ABCA12: variants seen among roughly 807,000 people sequenced by gnomAD.
ABCA12 encodes the protein glucosylceramide transporter ABCA12.
A neutral mutation model predicts 293.5 loss-of-function variants in ABCA12; 156 were observed. The observed-to-expected ratio is 0.53, with a 90% CI of 0.47 to 0.61. ABCA12 has a LOEUF of 0.61. Among genes scored for constraint, ABCA12 ranks in the 20% least tolerant of loss-of-function variants. ABCA12 has a pLI of 0.00. For synonymous variants in ABCA12, 1,063 were observed against 1,108.0 expected (o/e 0.96, Z 0.81); for missense variants, 2,797 against 3,090.2 (o/e 0.91, Z 2.25).
rs374658375 is a variant in ABCA12, at chr2:214,983,094, G to A, written c.4382+553C>T. On this transcript the variant is annotated intron_variant, in intron 29 of 52. Transcript: ENST00000272895. ...GCTGGAGCAGGCCTAGGACAGTCAC[G>A]TGTGTAGCTAGGCCAGTGTGCCTTG... 1.5e-4 allele frequency among the ~76,000 whole-genome samples: 23 copies of A among 152,314 alleles called. No individual in the cohort carries two copies. In the East Asian group the frequency reaches 2.7e-3, roughly 18 times the overall value.
At chr2:214,982,635 G>GA (rs1303823424) in intron 29 of ABCA12, among the ~76,000 whole-genome samples, 2 of 151,880 alleles carry the variant, frequency 1.3e-5, no homozygotes, top group Admixed American at 1.3e-4. Context: ...TTAATACTCA[G>GA]AAAAAAACAC....
rs558007268 is a variant in ABCA12 at position 214,989,679 on chromosome 2, A to G, written c.3625-58T>C. ...TGTAGATTTCATGTATTTCACCCAG[A>G]GGTATCCTAAAATACTTAAAACTTT... On this transcript the variant is annotated intron_variant, in intron 24 of 52. Transcript: ENST00000272895. The G allele has an allele frequency of 3.4e-5, 53 of 1,576,742 alleles. No individual in the cohort carries two copies. In the African/African-American group the frequency reaches 6.6e-4, roughly 20 times the overall value.
chr2:215,033,753 A>G (rs1315899084), intron 8 of ABCA12, among the ~76,000 whole-genome samples: 3 of 152,032 alleles, frequency 2.0e-5, no homozygotes, highest in Non-Finnish European at 4.4e-5. Flanking sequence ...CATCCTGGCT[A>G]ACACGGTGAC....
At chr2:215,049,400 A>G (rs950171601) in intron 6 of ABCA12, among the ~76,000 whole-genome samples, 2 of 152,196 alleles carry the variant, frequency 1.3e-5, no homozygotes, top group African/African-American at 4.8e-5. Flanking sequence ...GTGTGTCCAC[A>G]TTAACCATAA....
intron 31 of ABCA12, among the ~76,000 whole-genome samples, chr2:214,980,277 C>T (rs1236589305): frequency 6.6e-6 from 1 of 152,168 alleles, no homozygotes; most frequent in African/African-American, 2.4e-5. Flanking sequence ...CCCAGACCTA[C>T]AGGATCAGAC....
intron 2 of ABCA12, among the ~76,000 whole-genome samples, chr2:215,074,184 A>G (rs1701791363): frequency 6.6e-6 from 1 of 152,214 alleles, no homozygotes; most frequent in Non-Finnish European, 1.5e-5. Flanking sequence ...TTCCCAGCTG[A>G]AAAGATGCCT....
intron 2 of ABCA12, among the ~76,000 whole-genome samples, chr2:215,109,218 C>G (rs1201307179): frequency 6.6e-6 from 1 of 152,100 alleles, no homozygotes; most frequent in Non-Finnish European, 1.5e-5. Flanking sequence ...TTTTACTTGG[C>G]TCTTATTTAC....
At chr2:215,018,843 G>A (rs531468105) in intron 13 of ABCA12, among the ~76,000 whole-genome samples, 28 of 152,080 alleles carry the variant, frequency 1.8e-4, no homozygotes, top group Admixed American at 4.6e-4. Flanking sequence ...GCTGCCCGTT[G>A]TCCAAAATTC....
At chr2:214,995,840 G>C (rs1035797451) in intron 23 of ABCA12, among the ~76,000 whole-genome samples, 1 of 151,864 alleles carries the variant, frequency 6.6e-6, no homozygotes, top group African/African-American at 2.4e-5. Context: ...GCTTTAAAAA[G>C]GGGGGAAAAT....
At chr2:215,129,946 GGCTA>G (rs146737352) in intron 1 of ABCA12, among the ~76,000 whole-genome samples, 3,924 of 152,186 alleles carry the variant, frequency 0.026, 139 homozygotes, top group African/African-American at 0.086. Context: ...TTCTGCATAT[GGCTA>G]GCTAGTTACC....
chr2:215,024,134 C>G (rs1229091533), intron 11 of ABCA12, among the ~76,000 whole-genome samples: 1 of 152,148 alleles, frequency 6.6e-6, no homozygotes, highest in African/African-American at 2.4e-5. Context: ...CTTCAAAACT[C>G]AGAGAAAGCA....
intron 2 of ABCA12, among the ~76,000 whole-genome samples, chr2:215,070,342 G>T (rs1336932756): frequency 6.6e-6 from 1 of 151,462 alleles, no homozygotes; most frequent in African/African-American, 2.4e-5. Context: ...TGTTAAGTAG[G>T]GTTCATTCTT....
At chr2:215,022,323 C>T (rs989907143) in intron 11 of ABCA12, 17 of 152,150 alleles carry the variant, frequency 1.1e-4, no homozygotes, top group African/African-American at 3.6e-4. Context: ...AATCTAGCCA[C>T]ACTGTGGCTA....
chr2:215,112,495 T>G (rs1465479348), intron 1 of ABCA12, among the ~76,000 whole-genome samples: 3 of 48,084 alleles, frequency 6.2e-5, no homozygotes, highest in Middle Eastern at 0.013. Context: ...TGTTTTTTTT[T>G]TGTTTTTTTT....
At chr2:214,991,375 T>G (rs1226439289) in intron 23 of ABCA12, among the ~76,000 whole-genome samples, 1 of 152,158 alleles carries the variant, frequency 6.6e-6, no homozygotes, top group Admixed American at 6.5e-5. Flanking sequence ...CCTGTAGAAT[T>G]TTACATGATT....
intron 19 of ABCA12, 71 bp from the exon 20 acceptor site, chr2:215,004,370 C>T (rs1010314243): frequency 1.7e-6 from 2 of 1,176,988 alleles, no homozygotes; most frequent in Admixed American, 3.7e-5. Flanking sequence ...CTCTAATAAC[C>T]ACCACAGTGA....
At chr2:215,025,493 G>GT in intron 11 of ABCA12, 180 bp downstream of exon 11, 2 of 560,388 alleles carry the variant, frequency 3.6e-6, no homozygotes, top group South Asian at 2.1e-5. Context: ...TTCTAGAGTC[G>GT]TAAGTAGGGC....
chr2:215,086,698 T>G (rs1339092416), intron 2 of ABCA12, among the ~76,000 whole-genome samples: 8 of 152,092 alleles, frequency 5.3e-5, no homozygotes, highest in Non-Finnish European at 1.2e-4. Flanking sequence ...CTCTAAAACA[T>G]TTTTCCAGCA....
chr2:214,952,305 C>T (rs1223848396), intron 44 of ABCA12, among the ~76,000 whole-genome samples: 3 of 151,766 alleles, frequency 2.0e-5, no homozygotes, highest in Admixed American at 1.3e-4. Context: ...ACTGCAACCT[C>T]CGCCTCCTGG....
Sources: gnomAD v4.1 joint callset for allele counts (sites outside exome capture counted in the v4.1 genomes callset) on GRCh38, gnomAD v4.1.1 for gene constraint, MANE v1.5 for transcripts, NCBI Gene and HGNC (gene_info 2026-07-23, HGNC 2026-07-21) for gene names.